The following SANBR variants were observed in gnomAD, a reference collection of about 807,000 sequenced individuals.
SANBR encodes SANT and BTB domain regulator of class switch recombination.
A neutral mutation model predicts 101.8 loss-of-function variants in SANBR; 77 were observed. The ratio of observed to expected loss-of-function variants is 0.76; its 90% CI spans 0.63 to 0.91. The LOEUF is 0.91. SANBR is among the 40% of genes least tolerant of loss of function. SANBR has a pLI of 0.00. For missense variants in SANBR, 875 were observed against 853.0 expected (o/e 1.03, Z -0.32); for synonymous variants, 279 against 274.7 (o/e 1.02, Z -0.15).
At chr2:61,126,432 C>G (rs572381389), downstream of SANBR, among the ~76,000 whole-genome samples, 1 of 152,106 alleles carries the variant, frequency 6.6e-6, no homozygotes, top group African/African-American at 2.4e-5. Flanking sequence ...AAGCGACGTT[C>G]GTGATTTTTC....
At chr2:61,126,842 A>T (rs1415315965), downstream of SANBR, among the ~76,000 whole-genome samples, 1 of 151,342 alleles carries the variant, frequency 6.6e-6, no homozygotes, top group African/African-American at 2.4e-5. Flanking sequence ...TGCCTCTCAG[A>T]CTTCATTTTC....
rs1304275635 is a variant in SANBR at position 61,097,774 on chromosome 2, A to G, written c.1287A>G (p.Ser429=). The change falls in exon 12 of 22, where the codon TCA becomes TCG. Residue 429 remains serine, a synonymous_variant. Coordinates refer to ENST00000402291, the MANE Select transcript of SANBR (RefSeq NM_001129993.3). Reference sequence around the variant, plus strand: ...TGGTTTATCCTACTGCAGCAAGTTCATTGAATACTGTTGGCACTGGAATTT... The same window carrying G: ...TGGTTTATCCTACTGCAGCAAGTTCGTTGAATACTGTTGGCACTGGAATTT... ...ETVVYPTAAS[S]LNTVGTGIYP... The G allele has an allele frequency of 1.9e-6, 3 of 1,613,168 alleles. No individual in the cohort carries two copies. The African/African-American group carries it at 4.0e-5, about 22-fold the overall frequency.
rs1338959478 is a variant in SANBR at position 61,129,374 on chromosome 2, G to A, written c.2029-4763G>A. On this transcript the variant is annotated intron_variant, in intron 20 of 21. Transcript: ENST00000295031. Reference sequence around the variant, plus strand: ...CAAGAGAATCACTTGAACCTGGAAGGCAGAGGTTGCCGTGAGCCGAGATCA... The same window carrying A: ...CAAGAGAATCACTTGAACCTGGAAGACAGAGGTTGCCGTGAGCCGAGATCA... Among the ~76,000 whole-genome samples, 3 of 151,426 alleles carry A rather than the reference G, an allele frequency of 2.0e-5. No individual in the cohort carries two copies. The East Asian group carries it at 5.8e-4, about 29-fold the overall frequency.
chr2:61,134,202 T>C (rs1559161005), exon 21 of SANBR: 1 of 1,612,492 alleles, frequency 6.2e-7, no homozygotes, highest in Non-Finnish European at 8.5e-7. Context: ...GTTTGAGCAG[T>C]GTGCTCTTGA....
chr2:61,136,628 C>CAA (rs879360258), intron 21 of SANBR, among the ~76,000 whole-genome samples: 4 of 115,576 alleles, frequency 3.5e-5, no homozygotes, highest in African/African-American at 9.4e-5. Flanking sequence ...GACTATGTCT[C>CAA]AAAAAAAAAA....
chr2:61,121,084 CAAAAT>C (rs1385284549), intron 20 of SANBR, 96 bp from the exon 21 acceptor site: 5 of 863,434 alleles, frequency 5.8e-6, no homozygotes, highest in African/African-American at 1.7e-5. Context: ...TTTAAAAAAT[CAAAAT>C]AAAATTACTT....
rs977396508 is a variant in SANBR, at chr2:61,122,840, A to T, written c.*678A>T. On this transcript the variant is annotated 3_prime_UTR_variant, in exon 22 of 22. Transcript: ENST00000402291. Reference sequence around the variant, plus strand: ...ATCATCTGAGCTGGAATTACTGATTATTACTCTGTCCTCTGTGAAACTAGT... The same window carrying T: ...ATCATCTGAGCTGGAATTACTGATTTTTACTCTGTCCTCTGTGAAACTAGT... 11 of 985,114 alleles carry T rather than the reference A, an allele frequency of 1.1e-5. No individual in the cohort carries two copies. Among genetic ancestry groups the T allele is most frequent in the African/African-American group, 1.7e-5 (1 of 57,194 alleles). The allele number at this position is 985,114 out of a possible 1,614,324, so 61.0% of individuals were successfully genotyped here.
intron 16 of SANBR, among the ~76,000 whole-genome samples, chr2:61,109,712 T>A (rs1276591912): frequency 3.5e-5 from 5 of 141,120 alleles, no homozygotes; most frequent in African/African-American, 1.1e-4. Context: ...AGGCAGAGTC[T>A]CACTCTGTCA....
At chr2:61,093,084 G>A (rs2104905059) in intron 11 of SANBR, among the ~76,000 whole-genome samples, 1 of 151,230 alleles carries the variant, frequency 6.6e-6, no homozygotes, top group South Asian at 2.1e-4. Context: ...AGAGAGCTGA[G>A]ATCGTGCCAC....
At chr2:61,100,226 T>C (rs1236408192) in intron 12 of SANBR, among the ~76,000 whole-genome samples, 1 of 152,188 alleles carries the variant, frequency 6.6e-6, no homozygotes, top group Non-Finnish European at 1.5e-5. Context: ...TGCGTCAGCC[T>C]CCCAAGTAGC....
Position 61,129,909 on chromosome 2 carries a change from A to C in SANBR, c.2029-4228A>C, listed in dbSNP as rs115112107. On this transcript the variant is annotated intron_variant, in intron 20 of 21. Transcript: ENST00000295031. ...TCCCTCAGCTTTTTAAAAAAGTATAAAAGTAAAATTATAACAATGTGTTAC... is the reference window on the plus strand; with the variant it reads ...TCCCTCAGCTTTTTAAAAAAGTATACAAGTAAAATTATAACAATGTGTTAC... Among the ~76,000 whole-genome samples the C allele has an allele frequency of 7.9e-3, 1,208 of 152,238 alleles. 9 individuals are homozygous for C. Among genetic ancestry groups the C allele is most frequent in the Non-Finnish European group, 0.013 (865 of 68,004 alleles).
intron 11 of SANBR, 135 bp from the exon 12 acceptor site, chr2:61,097,565 T>C: frequency 1.7e-6 from 1 of 603,104 alleles, no homozygotes; most frequent in South Asian, 2.4e-5. Flanking sequence ...ACTAATCTAC[T>C]TTGTGTCTGT....
chr2:61,097,557 T>C (rs1033662562), intron 11 of SANBR, 143 bp from the exon 12 acceptor site: 1 of 552,428 alleles, frequency 1.8e-6, no homozygotes, highest in African/African-American at 1.9e-5. Context: ...TGGCAACCAC[T>C]AATCTACTTT....
intron 8 of SANBR, among the ~76,000 whole-genome samples, chr2:61,085,807 A>G (rs1011736163): frequency 2.0e-5 from 3 of 152,024 alleles, no homozygotes; most frequent in African/African-American, 7.2e-5. Context: ...CACCACACCC[A>G]GCCAACACAC....
downstream of SANBR, among the ~76,000 whole-genome samples, chr2:61,126,608 C>G (rs899657967): frequency 1.3e-5 from 2 of 152,046 alleles, no homozygotes; most frequent in Non-Finnish European, 2.9e-5. Context: ...TGAGACCAGC[C>G]TGACCAACAT....
At chr2:61,111,887 C>G (rs1683845491) in intron 16 of SANBR, among the ~76,000 whole-genome samples, 1 of 152,062 alleles carries the variant, frequency 6.6e-6, no homozygotes, top group Non-Finnish European at 1.5e-5. Flanking sequence ...TAGTTTATTC[C>G]TTTTTATTGC....
chr2:61,076,798 A>G, intron 5 of SANBR, 122 bp from the exon 6 acceptor site: 1 of 678,866 alleles, frequency 1.5e-6, no homozygotes, highest in Non-Finnish European at 2.5e-6. Flanking sequence ...GACCCTATAA[A>G]ACTGATTTGT....
In SANBR at chr2:61,092,480, G is replaced by A. The variant is rs1456622472; in HGVS notation, c.1105G>A (p.Val369Ile). The A allele has an allele frequency of 1.8e-5, 28 of 1,594,330 alleles. No homozygotes were observed. The highest frequency in any genetic ancestry group is 2.3e-5 in the Non-Finnish European group (27 of 1,171,418). Residue 369 changes from valine to isoleucine, a missense_variant, in exon 11 of 22, where the codon GTT becomes ATT. Physicochemically the swap from Val to Ile is conservative, Grantham distance 29. Transcript: ENST00000402291. ...YIHIRDKTWD[V>I]HEYLNSLFEE... is the part of the protein sequence containing the mutation. ...TTTCTCCAGAGATAAGACATGGGAT[G>A]TTCATGAGTATTTGAATAGTCTTTT...
intron 21 of SANBR, among the ~76,000 whole-genome samples, chr2:61,134,785 T>G (rs900580485): frequency 6.6e-6 from 1 of 151,838 alleles, no homozygotes; most frequent in African/African-American, 2.4e-5. Context: ...TCCCAGCTAC[T>G]TGGGAGGCTG....
Sources: gnomAD v4.1 joint callset for allele counts (sites outside exome capture counted in the v4.1 genomes callset) on GRCh38, gnomAD v4.1.1 for gene constraint, MANE v1.5 for transcripts, NCBI Gene and HGNC (gene_info 2026-07-23, HGNC 2026-07-21) for gene names.